Variants in AFF1 observed in about 807,000 individuals in gnomAD.
AFF1 encodes AF4/FMR2 family member 1.
AFF1 carries 48 observed loss-of-function variants against 121.7 expected under a neutral mutation model. The ratio of observed to expected loss-of-function variants is 0.39; its 90% CI spans 0.31 to 0.50. AFF1 has a LOEUF of 0.50. Among genes scored for constraint, AFF1 ranks in the 20% least tolerant of loss-of-function variants. The probability of loss-of-function intolerance (pLI) is 0.76; values close to 1 mark genes in which losing one functional copy is unlikely to be tolerated. For missense variants in AFF1, 1,523 were observed against 1,511.7 expected, an observed-to-expected ratio of 1.01 and a Z score of -0.12; for synonymous variants, 613 against 563.0, an observed-to-expected ratio of 1.09 and a Z score of -1.26.
At position 87,095,179 on chromosome 4, in the gene AFF1, C is replaced by T. The variant is rs570464308; in HGVS notation, c.1283+210C>T. ...TGTTGCCCAGGTGGGAGTGCAGTGG[C>T]ATGATCTCGGCTCACTGCAATCTCT... On this transcript the variant is annotated intron_variant, in intron 8 of 20. Transcript: ENST00000395146. 2.6e-5 allele frequency among the ~76,000 whole-genome samples: 4 copies of T among 152,278 alleles called. No homozygotes were observed. The South Asian group carries it at 8.3e-4, about 32-fold the overall frequency.
chr4:86,943,220 A>G (rs148274796), intron 1 of AFF1, among the ~76,000 whole-genome samples: 2 of 152,278 alleles, frequency 1.3e-5, no homozygotes, highest in African/African-American at 4.8e-5. Flanking sequence ...GTATTCCTTT[A>G]TGGATTTCTG....
chr4:87,007,952 C>T (rs541713457), intron 2 of AFF1, among the ~76,000 whole-genome samples: 1 of 152,244 alleles, frequency 6.6e-6, no homozygotes, highest in Non-Finnish European at 1.5e-5. Flanking sequence ...TAGGCAAAGA[C>T]CGGGAACGCG....
chr4:87,081,197 G>A (rs374345642), intron 4 of AFF1, among the ~76,000 whole-genome samples: 1 of 114,232 alleles, frequency 8.8e-6, no homozygotes. Context: ...AGTCTCACTC[G>A]GTCTCCCAGG....
intron 5 of AFF1, among the ~76,000 whole-genome samples, chr4:87,084,690 A>G (rs765610054): frequency 6.6e-6 from 1 of 152,230 alleles, no homozygotes; most frequent in Non-Finnish European, 1.5e-5. Flanking sequence ...CCAGAATAGT[A>G]ACAGAAGTAG....
At chr4:87,019,368 T>C (rs1178749044) in intron 2 of AFF1, among the ~76,000 whole-genome samples, 1 of 152,242 alleles carries the variant, frequency 6.6e-6, no homozygotes. Flanking sequence ...TTCCTTTCAC[T>C]TGCCCAAGGC....
chr4:87,081,981 C>A (rs1426741101), intron 4 of AFF1, among the ~76,000 whole-genome samples: 1 of 152,050 alleles, frequency 6.6e-6, no homozygotes, highest in Non-Finnish European at 1.5e-5. Flanking sequence ...TTATGGAGAT[C>A]AGAAAGAAGT....
intron 2 of AFF1, among the ~76,000 whole-genome samples, chr4:87,014,859 A>G (rs768078668): frequency 6.6e-6 from 1 of 152,234 alleles, no homozygotes; most frequent in Admixed American, 6.5e-5. Flanking sequence ...AAAGTGGTAT[A>G]AAATTAATTA....
intron 4 of AFF1, among the ~76,000 whole-genome samples, chr4:87,055,302 AATAG>A (rs1409196362): frequency 6.6e-6 from 1 of 152,248 alleles, no homozygotes; most frequent in Non-Finnish European, 1.5e-5. Flanking sequence ...TAATGCAAAG[AATAG>A]AATTGCTTAT....
intron 2 of AFF1, among the ~76,000 whole-genome samples, chr4:87,007,650 A>C (rs575677160): frequency 6.6e-6 from 1 of 152,298 alleles, no homozygotes; most frequent in African/African-American, 2.4e-5. Flanking sequence ...GTTAAAGTGA[A>C]GATTAAAGTT....
chr4:87,096,390 C>CTTTTT (rs11301562), intron 8 of AFF1, among the ~76,000 whole-genome samples: 4 of 68,290 alleles, frequency 5.9e-5, no homozygotes, highest in South Asian at 6.0e-4. Flanking sequence ...ACACACCCGG[C>CTTTTT]TTTTTTTTTT....
rs757226075 is a variant in AFF1, at chr4:87,135,563, T to C, written c.3536-17T>C. The C allele has an allele frequency of 7.5e-6, 11 of 1,476,092 alleles. No individual in the cohort carries two copies. The South Asian group carries it at 1.4e-4, about 19-fold the overall frequency. The allele number at this position is 1,476,092 out of a possible 1,614,324, so 91.4% of individuals were successfully genotyped here. On this transcript the variant is annotated splice_polypyrimidine_tract_variant and intron_variant, in intron 20 of 20. Transcript: ENST00000395146. ...TGTGTATTTACTTGTTTTTGTTTTG[T>C]TTTGTTTTTTTTGCAGAATTCTTTG...
At chr4:87,031,157 G>A (rs77292061) in intron 2 of AFF1, among the ~76,000 whole-genome samples, 1 of 152,136 alleles carries the variant, frequency 6.6e-6, no homozygotes, top group Non-Finnish European at 1.5e-5. Flanking sequence ...TCCCCACAGA[G>A]TATCAGGCAT....
chr4:87,024,221 C>G (rs1391186504), intron 2 of AFF1, among the ~76,000 whole-genome samples: 2 of 152,142 alleles, frequency 1.3e-5, no homozygotes, highest in Non-Finnish European at 2.9e-5. Context: ...ATACATATAT[C>G]CATGTGGCCA....
At chr4:87,104,559 C>A (rs1465805061) in intron 8 of AFF1, among the ~76,000 whole-genome samples, 2 of 152,156 alleles carry the variant, frequency 1.3e-5, no homozygotes, top group African/African-American at 4.8e-5. Flanking sequence ...TGTAGGCGGT[C>A]ATTTACGAAA....
chr4:87,017,042 T>C (rs1297575743), intron 2 of AFF1, among the ~76,000 whole-genome samples: 1 of 151,056 alleles, frequency 6.6e-6, no homozygotes, highest in Non-Finnish European at 1.5e-5. Context: ...GCTGTGAACA[T>C]TTACATACAA....
intron 11 of AFF1, among the ~76,000 whole-genome samples, chr4:87,108,534 C>CGA (rs749906747): frequency 1.3e-5 from 2 of 152,104 alleles, no homozygotes; most frequent in Non-Finnish European, 2.9e-5. Flanking sequence ...GGTCTTCTCT[C>CGA]CCCTGTTGAA....
intron 2 of AFF1, among the ~76,000 whole-genome samples, chr4:87,033,021 A>G (rs1288601594): frequency 1.3e-5 from 2 of 152,152 alleles, no homozygotes; most frequent in Non-Finnish European, 2.9e-5. Flanking sequence ...ATGATGGTGC[A>G]TGCCTGTAGT....
intron 8 of AFF1, among the ~76,000 whole-genome samples, chr4:87,103,057 GT>G (rs1184622556): frequency 6.6e-6 from 1 of 151,970 alleles, no homozygotes; most frequent in Non-Finnish European, 1.5e-5. Context: ...TAGATTTTCT[GT>G]TTAAAAAAAA....
chr4:86,969,834 A>C (rs555604459), intron 2 of AFF1, among the ~76,000 whole-genome samples: 4 of 131,938 alleles, frequency 3.0e-5, no homozygotes, highest in African/African-American at 1.1e-4. Context: ...GAGCCGAGAT[A>C]GCACCACTGC....
Sources: gnomAD v4.1 joint callset for allele counts (sites outside exome capture counted in the v4.1 genomes callset) on GRCh38, gnomAD v4.1.1 for gene constraint, MANE v1.5 for transcripts, NCBI Gene and HGNC (gene_info 2026-07-23, HGNC 2026-07-21) for gene names.